The following CDKN1B variants were observed in gnomAD, a reference collection of about 807,000 sequenced individuals.
The protein encoded by CDKN1B is cyclin-dependent kinase inhibitor 1B.
A neutral mutation model predicts 17.1 loss-of-function variants in CDKN1B; 7 were observed. The observed-to-expected ratio is 0.41, with a 90% CI of 0.23 to 0.77. The LOEUF (loss-of-function observed/expected upper bound fraction) is 0.77. Ranked by LOEUF, CDKN1B falls within the 30% of genes least tolerant of loss-of-function variation. The pLI is 0.33. For missense variants in CDKN1B, 337 were observed against 262.0 expected (o/e 1.29, Z -1.98); for synonymous variants, 149 against 104.3 (o/e 1.43, Z -2.61).
At position 12,720,160 on chromosome 12, in the gene CDKN1B, G is replaced by A. The variant is rs995973095; in HGVS notation, c.*9-876G>A. ...ACCATATGAAGTGGGAAAATTAGGT[G>A]AAAATTTTCCTGAAGCAACCTTAAC... On this transcript the variant is annotated intron_variant, in intron 2 of 2. Transcript: ENST00000228872. Among the ~76,000 whole-genome samples, 3 of 151,902 alleles carry A rather than the reference G, an allele frequency of 2.0e-5. No individual in the cohort carries two copies. In the Admixed American group the frequency reaches 2.0e-4, roughly 10 times the overall value.
At chr12:12,720,507 A>T (rs1394648927) in intron 2 of CDKN1B, among the ~76,000 whole-genome samples, 1 of 152,200 alleles carries the variant, frequency 6.6e-6, no homozygotes, top group Non-Finnish European at 1.5e-5. Context: ...GGAGAAAAAA[A>T]ATTAAAAATT....
Position 12,721,126 on chromosome 12 carries a change from T to A in CDKN1B, c.*99T>A. Reference sequence around the variant, plus strand: ...TGAAAATTTTAAAAATACATATCGCTGACTTCATGGAATGGACATCCTGTA... The same window carrying A: ...TGAAAATTTTAAAAATACATATCGCAGACTTCATGGAATGGACATCCTGTA... On this transcript the variant is annotated 3_prime_UTR_variant, in exon 3 of 3. Transcript: ENST00000228872. 1.3e-6 allele frequency: 1 copy of A among 774,478 alleles called. No individual in the cohort carries two copies. The highest frequency in any genetic ancestry group is 2.4e-6 in the Non-Finnish European group (1 of 415,522). The allele number at this position is 774,478 out of a possible 1,614,324, so 48.0% of individuals were successfully genotyped here.
chr12:12,719,156 C>A (rs1592281962), intron 2 of CDKN1B: 1 of 628,478 alleles, frequency 1.6e-6, no homozygotes, highest in Non-Finnish European at 2.7e-6. Context: ...ACTTTCTCTT[C>A]AAACTGTTGA....
In CDKN1B at chr12:12,717,932, C is replaced by A. The variant is rs577554685; in HGVS notation, c.93C>A (p.Asn31Lys). 6.2e-7 allele frequency: 1 copy of A among 1,614,118 alleles called. No homozygotes were observed. The highest frequency in any genetic ancestry group is 8.5e-7 in the Non-Finnish European group (1 of 1,180,050). The change falls in exon 1 of 3, where the codon AAC (asparagine) becomes AAA (lysine). Residue 31 changes from asparagine (N) to lysine (K), a missense_variant. By Grantham distance (94) the Asn-to-Lys change is moderately conservative. Coordinates refer to ENST00000228872, the MANE Select transcript of CDKN1B (RefSeq NM_004064.5). ...ACCCCAAGCCCTCGGCCTGCAGGAA[C>A]CTCTTCGGCCCGGTGGACCACGAAG... ...AEHPKPSACR[N>K]LFGPVDHEEL...
At chr12:12,718,363 C>G in intron 1 of CDKN1B, 49 bp downstream of exon 1, 1 of 1,514,250 alleles carries the variant, frequency 6.6e-7, no homozygotes, top group Non-Finnish European at 9.0e-7. Flanking sequence ...CCCGCTTTGC[C>G]TGCTGGAGGG....
chr12:12,719,317 C>T lies in CDKN1B; in HGVS notation c.*8+363C>T, dbSNP rs1946519045. Reference sequence around the variant, plus strand: ...AGTCCGAATTAATGAGAATTAATTTCCTAGAGGTTCAGCTTGAGTCGGTAA... The same window carrying T: ...AGTCCGAATTAATGAGAATTAATTTTCTAGAGGTTCAGCTTGAGTCGGTAA... On this transcript the variant is annotated intron_variant, in intron 2 of 2. Transcript: ENST00000228872. The T allele has an allele frequency of 2.6e-5, 6 of 228,444 alleles. No homozygotes were observed. The South Asian group carries it at 3.6e-4, about 14-fold the overall frequency. 14.2% of individuals were successfully genotyped at this position (228,444 alleles called of 1,614,324 possible).
chr12:12,717,430 T>C lies in CDKN1B; in HGVS notation c.-410T>C. 1 of 1,240,574 alleles carries C rather than the reference T, an allele frequency of 8.1e-7. No homozygotes were observed. Among genetic ancestry groups the C allele is most frequent in the Non-Finnish European group, 1.0e-6 (1 of 984,898 alleles). The allele number at this position is 1,240,574 out of a possible 1,614,324, so 76.8% of individuals were successfully genotyped here. A position where few individuals can be genotyped will look rare whatever the true frequency, so the allele number is the denominator to read the frequency against. ...CACTAAAAAAAGGGGGCTCGTCTTT[T>C]CGGGGTGTTTTTCTCCCCCTCCCCT... On this transcript the variant is annotated 5_prime_UTR_variant, in exon 1 of 3. Coordinates refer to ENST00000228872, the MANE Select transcript of CDKN1B (RefSeq NM_004064.5).
chr12:12,718,639 T>C (rs1047044942), intron 1 of CDKN1B, among the ~76,000 whole-genome samples, 186 bp from the exon 2 acceptor site: 6 of 152,002 alleles, frequency 3.9e-5, no homozygotes, highest in East Asian at 1.9e-4. Flanking sequence ...GGGCGGAGAA[T>C]GCACTTTCTG....
intron 2 of CDKN1B, among the ~76,000 whole-genome samples, chr12:12,720,554 C>G (rs1946532166): frequency 6.6e-6 from 1 of 152,016 alleles, no homozygotes; most frequent in East Asian, 1.9e-4. Flanking sequence ...GTAAGTATTA[C>G]AGTTTCCTAA....
At chr12:12,719,193 C>G (rs1346353322) in intron 2 of CDKN1B, 2 of 509,292 alleles carry the variant, frequency 3.9e-6, no homozygotes. Flanking sequence ...TAACCCAGGC[C>G]CCATCGGGTA....
In CDKN1B at chr12:12,721,613, TTAGA is replaced by T. The variant is rs1691414793; in HGVS notation, c.*590_*593del. ...GATCTCCCAAGCTATCTAAAGTTTG[TTAGA>T]TAGCTGCATGTGGCTTTTTTAAAAA... is the stretch of plus-strand genomic sequence containing the variant. On this transcript the variant is annotated 3_prime_UTR_variant, in exon 3 of 3. Transcript: ENST00000228872. 6.5e-6 allele frequency: 1 copy of T among 153,694 alleles called. No individual in the cohort carries two copies. The highest frequency in any genetic ancestry group is 6.5e-5 in the Admixed American group (1 of 15,304). 9.5% of individuals were successfully genotyped at this position (153,694 alleles called of 1,614,324 possible).
In CDKN1B at chr12:12,717,875, C is replaced by T. The variant is rs778425357; in HGVS notation, c.36C>T (p.Ser12=). The change falls in exon 1 of 3, where the codon AGC becomes AGT. Residue 12 remains serine, a synonymous_variant. Transcript: ENST00000228872. ...SNVRVSNGSP[S]LERMDARQAE... is the part of the protein sequence containing the mutation. ...TGCGAGTGTCTAACGGGAGCCCTAG[C>T]CTGGAGCGGATGGACGCCAGGCAGG... 10 of 1,613,876 alleles carry T rather than the reference C, an allele frequency of 6.2e-6. No homozygotes were observed. In the South Asian group the frequency reaches 1.1e-4, roughly 18 times the overall value.
rs146161282 is a variant in CDKN1B, at chr12:12,718,115, G to T, written c.276G>T (p.Pro92=). The change falls in exon 1 of 3, where the codon CCG becomes CCT. Residue 92 remains proline (P), a synonymous_variant. Coordinates refer to ENST00000228872, the MANE Select transcript of CDKN1B (RefSeq NM_004064.5). ...TGCCCGAGTTCTACTACAGACCCCCGCGGCCCCCCAAAGGTGCCTGCAAGG... is the reference window on the plus strand; with the variant it reads ...TGCCCGAGTTCTACTACAGACCCCCTCGGCCCCCCAAAGGTGCCTGCAAGG... ...GSLPEFYYRP[P]RPPKGACKVP... 1 of 1,614,172 alleles carries T rather than the reference G, an allele frequency of 6.2e-7. No homozygotes were observed. The highest frequency in any genetic ancestry group is 2.2e-5 in the East Asian group (1 of 44,888).
rs1249436388 is a variant in CDKN1B, at chr12:12,718,154, G to A, written c.315G>A (p.Glu105=). 8.1e-6 allele frequency: 13 copies of A among 1,613,784 alleles called. No homozygotes were observed. Among genetic ancestry groups the A allele is most frequent in the Non-Finnish European group, 8.5e-7 (1 of 1,179,932 alleles). Residue 105 remains glutamate (E), a synonymous_variant, in exon 1 of 3, where the codon GAG becomes GAA. Coordinates refer to ENST00000228872, the MANE Select transcript of CDKN1B (RefSeq NM_004064.5). ...GTGCCTGCAAGGTGCCGGCGCAGGA[G>A]AGCCAGGATGTCAGCGGGAGCCGCC... ...PKGACKVPAQ[E]SQDVSGSRPA... is the part of the protein sequence containing the mutation.
chr12:12,719,550 C>CA (rs3093733), intron 2 of CDKN1B: 31,880 of 152,356 alleles, frequency 0.21, 4,172 homozygotes, highest in East Asian at 0.44. Context: ...CCAGTATTTG[C>CA]AAAAACCAAA....
Position 12,722,346 on chromosome 12 carries a change from C to T in CDKN1B, c.*1319C>T, listed in dbSNP as rs1055903712. Reference sequence around the variant, plus strand: ...CAATTATTGTTACACATTAAGTAATCAATAAAGAAAACTTCCATAGCTATT... The same window carrying T: ...CAATTATTGTTACACATTAAGTAATTAATAAAGAAAACTTCCATAGCTATT... On this transcript the variant is annotated 3_prime_UTR_variant, in exon 3 of 3. Transcript: ENST00000228872. The T allele has an allele frequency of 2.6e-5, 4 of 152,536 alleles. No homozygotes were observed. The highest frequency in any genetic ancestry group is 9.7e-5 in the African/African-American group (4 of 41,424). 9.4% of individuals were successfully genotyped at this position (152,536 alleles called of 1,614,324 possible).
In CDKN1B at chr12:12,717,674, CG is replaced by C. The variant is rs1946481122; in HGVS notation, c.-165del. On this transcript the variant is annotated 5_prime_UTR_variant, in exon 1 of 3. Transcript: ENST00000228872. ...CCGGGGCTTCCCCGCAGCCCCTGCG[CG>C]CTCCTAGAGCTCGGGCCGTGGCTCG... The C allele has an allele frequency of 6.6e-7, 1 of 1,507,550 alleles. No individual in the cohort carries two copies. Among genetic ancestry groups the C allele is most frequent in the Non-Finnish European group, 8.8e-7 (1 of 1,135,430 alleles). 93.4% of individuals were successfully genotyped at this position (1,507,550 alleles called of 1,614,324 possible). A position where few individuals can be genotyped will look rare whatever the true frequency, so the allele number is the denominator to read the frequency against.
chr12:12,719,925 CTCTT>C, intron 2 of CDKN1B, among the ~76,000 whole-genome samples: 1 of 152,210 alleles, frequency 6.6e-6, no homozygotes, highest in African/African-American at 2.4e-5. Context: ...AGACTGTGAC[CTCTT>C]TATTTTCTAA....
rs1361385563 is a variant in CDKN1B, at chr12:12,717,555, C to T, written c.-285C>T. Reference sequence around the variant, plus strand: ...GGGCTTGCACCCGCCCAGACTCGGACGGGCTTTGCCACCCTCTCCGCTTGC... The same window carrying T: ...GGGCTTGCACCCGCCCAGACTCGGATGGGCTTTGCCACCCTCTCCGCTTGC... On this transcript the variant is annotated 5_prime_UTR_variant, in exon 1 of 3. In the 5' UTR this introduces an upstream ATG that the reference lacks. Transcript: ENST00000228872. 4.2e-5 allele frequency: 59 copies of T among 1,406,550 alleles called. No individual in the cohort carries two copies. The highest frequency in any genetic ancestry group is 5.5e-5 in the Non-Finnish European group (59 of 1,082,130). 87.1% of individuals were successfully genotyped at this position (1,406,550 alleles called of 1,614,324 possible).
Sources: allele counts gnomAD v4.1 joint callset (sites outside exome capture counted in the v4.1 genomes callset), GRCh38; gene constraint gnomAD v4.1.1; transcripts MANE v1.5; gene names NCBI Gene and HGNC (gene_info 2026-07-23, HGNC 2026-07-21).